PIP5K1B: variants seen among roughly 807,000 people sequenced by gnomAD.
PIP5K1B encodes the protein phosphatidylinositol 4-phosphate 5-kinase type-1 beta.
Under a neutral mutation model 67.0 loss-of-function variants are expected in PIP5K1B, and 42 were observed. The ratio of observed to expected loss-of-function variants is 0.63; its 90% confidence interval spans 0.49 to 0.81. PIP5K1B has a LOEUF of 0.81. Ranked by LOEUF, PIP5K1B falls within the 30% of genes least tolerant of loss-of-function variation. The pLI, the probability that PIP5K1B is intolerant of heterozygous loss-of-function variation, is 0.00. For synonymous variants in PIP5K1B, 214 were observed against 231.4 expected, an observed-to-expected ratio of 0.92 and a Z score of 0.68; for missense variants, 459 against 646.3, an observed-to-expected ratio of 0.71 and a Z score of 3.14.
At chr9:68,710,433 T>C (rs776270331) in intron 1 of PIP5K1B, among the ~76,000 whole-genome samples, 1 of 152,192 alleles carries the variant, frequency 6.6e-6, no homozygotes, top group Non-Finnish European at 1.5e-5. Flanking sequence ...TTTGGGGTAC[T>C]GTGTCGTAAA....
At chr9:68,719,716 A>G (rs1827795032) in intron 1 of PIP5K1B, among the ~76,000 whole-genome samples, 1 of 152,214 alleles carries the variant, frequency 6.6e-6, no homozygotes, top group Non-Finnish European at 1.5e-5. Context: ...TATAGGAAAC[A>G]GAATGGAAAT....
chr9:68,884,805 T>A (rs1328549209), intron 6 of PIP5K1B, among the ~76,000 whole-genome samples: 1 of 152,168 alleles, frequency 6.6e-6, no homozygotes, highest in Non-Finnish European at 1.5e-5. Context: ...AGATAAAAGA[T>A]AACAAGTGTT....
intron 2 of PIP5K1B, among the ~76,000 whole-genome samples, chr9:68,792,833 G>A (rs942263629): frequency 2.0e-5 from 3 of 152,172 alleles, no homozygotes; most frequent in Admixed American, 6.5e-5. Flanking sequence ...AACAAGTTCA[G>A]TCACATGGCT....
chr9:68,918,771 G>A (rs944277266), intron 9 of PIP5K1B, among the ~76,000 whole-genome samples: 1 of 152,090 alleles, frequency 6.6e-6, no homozygotes, highest in African/African-American at 2.4e-5. Flanking sequence ...AATATTTTTT[G>A]AAAAGTTCTT....
At chr9:68,964,461 T>C (rs1392284063) in intron 14 of PIP5K1B, among the ~76,000 whole-genome samples, 1 of 152,230 alleles carries the variant, frequency 6.6e-6, no homozygotes, top group East Asian at 1.9e-4. Flanking sequence ...ACTTCTGTGG[T>C]TGCCTTGCTG....
intron 14 of PIP5K1B, among the ~76,000 whole-genome samples, chr9:68,988,176 A>G (rs1045521075): frequency 3.3e-5 from 5 of 152,174 alleles, no homozygotes; most frequent in Admixed American, 6.5e-5. Context: ...ATTACAAAGC[A>G]AATATGGTCA....
chr9:68,980,713 C>T (rs1829849914), intron 14 of PIP5K1B, among the ~76,000 whole-genome samples: 1 of 152,196 alleles, frequency 6.6e-6, no homozygotes, highest in Non-Finnish European at 1.5e-5. Flanking sequence ...GCATTGTAAC[C>T]AGTAATCAGA....
chr9:68,974,023 G>A (rs564904760), intron 14 of PIP5K1B, among the ~76,000 whole-genome samples: 234 of 152,244 alleles, frequency 1.5e-3, no homozygotes, highest in African/African-American at 4.6e-3. Context: ...AACTACAGGC[G>A]TGTGCCACCA....
At chr9:68,854,359 G>A (rs1019811436) in intron 4 of PIP5K1B, among the ~76,000 whole-genome samples, 5 of 151,898 alleles carry the variant, frequency 3.3e-5, no homozygotes, top group African/African-American at 1.2e-4. Context: ...CATACTCCTA[G>A]GCCCAGGTGA....
At chr9:68,766,319 T>G (rs1830425413) in intron 2 of PIP5K1B, among the ~76,000 whole-genome samples, 1 of 152,206 alleles carries the variant, frequency 6.6e-6, no homozygotes, top group Non-Finnish European at 1.5e-5. Flanking sequence ...TTGTTATAAA[T>G]GTATCTATCT....
At chr9:68,923,029 T>A (rs1253179273) in intron 11 of PIP5K1B, among the ~76,000 whole-genome samples, 1 of 152,132 alleles carries the variant, frequency 6.6e-6, no homozygotes, top group African/African-American at 2.4e-5. Context: ...GGGCAGCTGT[T>A]TTGATTTATG....
At chr9:68,964,762 A>G (rs542320091) in intron 14 of PIP5K1B, among the ~76,000 whole-genome samples, 6 of 152,366 alleles carry the variant, frequency 3.9e-5, no homozygotes, top group African/African-American at 9.6e-5. Flanking sequence ...TAGAGGGGAG[A>G]GAAATAGCAC....
At chr9:68,914,178 T>C (rs944794935) in intron 8 of PIP5K1B, among the ~76,000 whole-genome samples, 1 of 150,508 alleles carries the variant, frequency 6.6e-6, no homozygotes, top group African/African-American at 2.4e-5. Context: ...AAAAAAGCAT[T>C]TTTTTAAAAA....
intron 6 of PIP5K1B, among the ~76,000 whole-genome samples, chr9:68,885,198 A>G (rs1824405692): frequency 6.6e-6 from 1 of 152,246 alleles, no homozygotes. Context: ...AACTGAAAGG[A>G]GCCAGGCACA....
At chr9:68,934,060 T>TC (rs1827136440) in intron 12 of PIP5K1B, among the ~76,000 whole-genome samples, 1 of 152,056 alleles carries the variant, frequency 6.6e-6, no homozygotes, top group Non-Finnish European at 1.5e-5. Context: ...AACTTCCCTC[T>TC]CCCCCTCCCT....
At chr9:68,820,410 A>C (rs1221156180) in intron 3 of PIP5K1B, among the ~76,000 whole-genome samples, 3 of 152,230 alleles carry the variant, frequency 2.0e-5, no homozygotes, top group Admixed American at 6.5e-5. Flanking sequence ...AAATAGATGC[A>C]AATAGAATTG....
chr9:68,851,603 G>A (rs1822485646), intron 4 of PIP5K1B, among the ~76,000 whole-genome samples: 1 of 152,138 alleles, frequency 6.6e-6, no homozygotes, highest in South Asian at 2.1e-4. Flanking sequence ...GCTGTGTAGA[G>A]GCATGATTGG....
intron 2 of PIP5K1B, among the ~76,000 whole-genome samples, chr9:68,768,674 T>A (rs1397646292): frequency 1.3e-5 from 2 of 152,240 alleles, no homozygotes; most frequent in African/African-American, 4.8e-5. Flanking sequence ...TCCACATTTT[T>A]AAAAATCTAG....
intron 2 of PIP5K1B, among the ~76,000 whole-genome samples, chr9:68,784,984 TC>T (rs989953609): frequency 4.6e-5 from 7 of 152,090 alleles, no homozygotes; most frequent in African/African-American, 1.7e-4. Flanking sequence ...GGACAGGAGA[TC>T]ATTTGGAAGC....
Sources: gnomAD v4.1 joint callset for allele counts (sites outside exome capture counted in the v4.1 genomes callset) on GRCh38, gnomAD v4.1.1 for gene constraint, MANE v1.5 for transcripts, NCBI Gene and HGNC (gene_info 2026-07-23, HGNC 2026-07-21) for gene names.